Variants in CTNNA3 observed in about 807,000 individuals in gnomAD.
The protein encoded by CTNNA3 is catenin alpha 3.
A neutral mutation model predicts 95.7 loss-of-function variants in CTNNA3; 76 were observed. That is an observed-to-expected ratio of 0.79 (90% CI 0.66 to 0.96). CTNNA3 has a LOEUF of 0.96. Ranked by LOEUF, CTNNA3 falls within the 40% of genes least tolerant of loss-of-function variation. CTNNA3 has a pLI of 0.00. For missense variants in CTNNA3, 1,191 were observed against 1,089.8 expected, an observed-to-expected ratio of 1.09 and a Z score of -1.31; for synonymous variants, 431 against 374.4, an observed-to-expected ratio of 1.15 and a Z score of -1.74.
intron 7 of CTNNA3, among the ~76,000 whole-genome samples, chr10:66,849,509 T>G (rs1011506793): frequency 6.6e-6 from 1 of 152,098 alleles, no homozygotes; most frequent in African/African-American, 2.4e-5. Flanking sequence ...TATTCAGAAA[T>G]AGTGTGTTGT....
chr10:66,766,987 A>C (rs1254069172), intron 8 of CTNNA3, among the ~76,000 whole-genome samples: 1 of 152,214 alleles, frequency 6.6e-6, no homozygotes, highest in East Asian at 1.9e-4. Flanking sequence ...ACTTTAAATT[A>C]TTAAACAACT....
chr10:66,532,347 A>C (rs1158544913), intron 10 of CTNNA3, among the ~76,000 whole-genome samples: 1 of 152,046 alleles, frequency 6.6e-6, no homozygotes, highest in Non-Finnish European at 1.5e-5. Flanking sequence ...CTGAAGTCCC[A>C]GCTACTGGGG....
At chr10:66,567,480 A>T (rs989037820) in intron 10 of CTNNA3, among the ~76,000 whole-genome samples, 4 of 152,044 alleles carry the variant, frequency 2.6e-5, no homozygotes, top group African/African-American at 9.7e-5. Flanking sequence ...TTAGCTGGGC[A>T]TGGTGGTACA....
intron 5 of CTNNA3, among the ~76,000 whole-genome samples, chr10:67,309,943 A>G (rs919031005): frequency 6.6e-6 from 1 of 152,180 alleles, no homozygotes; most frequent in Non-Finnish European, 1.5e-5. Context: ...CCAAAAGTAG[A>G]TATTAAAGGA....
At chr10:66,567,376 T>C (rs978866021) in intron 10 of CTNNA3, among the ~76,000 whole-genome samples, 10 of 152,100 alleles carry the variant, frequency 6.6e-5, no homozygotes, top group Admixed American at 3.9e-4. Flanking sequence ...TTCCAGCAAT[T>C]TGGGGGCCAA....
chr10:66,522,715 TC>T (rs1338204265), intron 10 of CTNNA3, among the ~76,000 whole-genome samples: 1 of 151,646 alleles, frequency 6.6e-6, no homozygotes, highest in Non-Finnish European at 1.5e-5. Context: ...AATATAGGGC[TC>T]TTTTCAAACT....
intron 11 of CTNNA3, among the ~76,000 whole-genome samples, chr10:66,500,878 A>C (rs1018726970): frequency 6.6e-6 from 1 of 152,158 alleles, no homozygotes; most frequent in Non-Finnish European, 1.5e-5. Flanking sequence ...TGAATATTTT[A>C]AAATTAATAT....
intron 5 of CTNNA3, among the ~76,000 whole-genome samples, chr10:67,281,673 T>A (rs2132444036): frequency 6.6e-6 from 1 of 152,310 alleles, no homozygotes; most frequent in Middle Eastern, 3.4e-3. Context: ...AGATTGTTAC[T>A]GTCCTTTATG....
chr10:65,933,128 TA>T (rs372134341), intron 17 of CTNNA3, among the ~76,000 whole-genome samples: 1 of 151,676 alleles, frequency 6.6e-6, no homozygotes, highest in Non-Finnish European at 1.5e-5. Context: ...TATCCATAGA[TA>T]AAAAAAATAC....
In CTNNA3 at chr10:66,425,178, T is replaced by G. The variant is rs111463520; in HGVS notation, c.1532-45826A>C. On this transcript the variant is annotated intron_variant, in intron 11 of 17. Transcript: ENST00000433211. Reference sequence around the variant, plus strand: ...TCTGAAATTAATATTTTGACACAAGTTTTAGTATTTGCATAGTATATCTAT... The same window carrying G: ...TCTGAAATTAATATTTTGACACAAGGTTTAGTATTTGCATAGTATATCTAT... 9.3e-3 allele frequency among the ~76,000 whole-genome samples: 1,419 copies of G among 152,116 alleles called. 30 individuals are homozygous for G. The highest frequency in any genetic ancestry group is 0.032 in the African/African-American group (1,348 of 41,552).
chr10:67,337,798 C>A (rs2132604326), intron 5 of CTNNA3, among the ~76,000 whole-genome samples: 1 of 152,240 alleles, frequency 6.6e-6, no homozygotes, highest in East Asian at 1.9e-4. Flanking sequence ...CTCAAATGAT[C>A]ATTAGCATTT....
At chr10:67,416,629 A>AAAC (rs78150691) in intron 5 of CTNNA3, among the ~76,000 whole-genome samples, 1 of 150,206 alleles carries the variant, frequency 6.7e-6, no homozygotes, top group Non-Finnish European at 1.5e-5. Flanking sequence ...AAAAAAAAAA[A>AAAC]AACAAGTGGA....
chr10:66,327,453 C>T (rs866771534), intron 12 of CTNNA3, among the ~76,000 whole-genome samples: 4 of 152,060 alleles, frequency 2.6e-5, no homozygotes, highest in African/African-American at 4.8e-5. Flanking sequence ...TTTATCACTA[C>T]CCATGCTAAA....
chr10:67,701,168 T>A (rs1215662638), upstream of CTNNA3, among the ~76,000 whole-genome samples: 1 of 152,208 alleles, frequency 6.6e-6, no homozygotes, highest in Non-Finnish European at 1.5e-5. Context: ...CTGAAAGTGA[T>A]GGGCAGAATG....
chr10:66,751,235 T>C lies in CTNNA3; in HGVS notation c.1281+15029A>G, dbSNP rs1196698363. On this transcript the variant is annotated intron_variant, in intron 9 of 17. Coordinates refer to ENST00000433211, the MANE Select transcript of CTNNA3 (RefSeq NM_013266.4). ...GTGAGCCTAGATTGTGCCACTGCAC[T>C]GCAACCTGGGTGACAGAGTGAGACT... 3.3e-5 allele frequency among the ~76,000 whole-genome samples: 5 copies of C among 152,180 alleles called. No individual in the cohort carries two copies. The East Asian group carries it at 9.6e-4, about 29-fold the overall frequency.
chr10:66,442,460 A>C (rs146698711), intron 11 of CTNNA3, among the ~76,000 whole-genome samples: 3 of 152,326 alleles, frequency 2.0e-5, no homozygotes, highest in African/African-American at 2.4e-5. Context: ...TTGGAGCAGT[A>C]CAAATTGCTT....
intron 7 of CTNNA3, among the ~76,000 whole-genome samples, chr10:67,001,925 C>T (rs1400839142): frequency 6.6e-6 from 1 of 152,202 alleles, no homozygotes; most frequent in East Asian, 1.9e-4. Flanking sequence ...ATTTCTCTTT[C>T]AGTCAGGGCT....
intron 13 of CTNNA3, among the ~76,000 whole-genome samples, chr10:66,112,885 A>C (rs2082172420): frequency 6.6e-6 from 1 of 152,120 alleles, no homozygotes; most frequent in African/African-American, 2.4e-5. Context: ...ATGAACACTT[A>C]GATTGTTTTC....
chr10:67,548,128 C>G (rs1396912420), intron 3 of CTNNA3, among the ~76,000 whole-genome samples: 1 of 152,116 alleles, frequency 6.6e-6, no homozygotes, highest in Non-Finnish European at 1.5e-5. Context: ...CTCATGATAA[C>G]AAGTGAGTTC....
Sources: allele counts gnomAD v4.1 joint callset (sites outside exome capture counted in the v4.1 genomes callset), GRCh38; gene constraint gnomAD v4.1.1; transcripts MANE v1.5; gene names NCBI Gene and HGNC (gene_info 2026-07-23, HGNC 2026-07-21).